Variants in KCNQ5 observed in about 807,000 individuals in gnomAD.
KCNQ5 encodes the protein potassium voltage-gated channel subfamily Q member 5, also known as potassium voltage-gated channel subfamily KQT member 5.
KCNQ5 carries 30 observed loss-of-function variants against 98.2 expected under a neutral mutation model. The ratio of observed to expected loss-of-function variants is 0.31; its 90% CI spans 0.23 to 0.41. KCNQ5 has a LOEUF of 0.41. KCNQ5 is among the 10% of genes least tolerant of loss of function. The pLI is 1.00. For missense variants in KCNQ5, 835 were observed against 1,182.5 expected (o/e 0.71, Z 4.31); for synonymous variants, 458 against 449.4 (o/e 1.02, Z -0.24).
intron 1 of KCNQ5, among the ~76,000 whole-genome samples, chr6:72,836,256 C>CAA: frequency 6.6e-6 from 1 of 151,958 alleles, no homozygotes; most frequent in South Asian, 2.1e-4. Context: ...ATTACTTATT[C>CAA]AAAAAAGCCT....
Position 72,792,908 on chromosome 6 carries a change from T to C in KCNQ5, c.398+170321T>C, listed in dbSNP as rs147020937. Among the ~76,000 whole-genome samples, 147 of 152,326 alleles carry C rather than the reference T, an allele frequency of 9.7e-4. No homozygotes were observed. The Middle Eastern group carries it at 0.01, about 11-fold the overall frequency. On this transcript the variant is annotated intron_variant, in intron 1 of 13. Transcript: ENST00000370398. The stretch of plus-strand genomic sequence containing the variant: ...AATACTTTATCATGGGTTGCAAATA[T>C]TTTAAAGATGTGGTTTGAAATTAAA...
At chr6:73,167,486 T>G (rs372364629) in intron 10 of KCNQ5, among the ~76,000 whole-genome samples, 67 of 152,366 alleles carry the variant, frequency 4.4e-4, no homozygotes, top group African/African-American at 1.6e-3. Flanking sequence ...GCCACCTTCA[T>G]GGCCTCAGAT....
chr6:72,716,869 A>G (rs1033836448), intron 1 of KCNQ5, among the ~76,000 whole-genome samples: 1 of 152,200 alleles, frequency 6.6e-6, no homozygotes, highest in Non-Finnish European at 1.5e-5. Context: ...CACTTTCCTC[A>G]ATGCCATCTC....
chr6:72,860,146 A>G (rs1227708694), intron 1 of KCNQ5, among the ~76,000 whole-genome samples: 1 of 152,174 alleles, frequency 6.6e-6, no homozygotes, highest in African/African-American at 2.4e-5. Flanking sequence ...GGTATGAATA[A>G]AAATACAAAT....
chr6:72,954,154 T>C (rs899197330), intron 1 of KCNQ5, among the ~76,000 whole-genome samples: 10 of 152,344 alleles, frequency 6.6e-5, no homozygotes, highest in African/African-American at 2.4e-4. Context: ...CTTTCTTATC[T>C]GTGACACAGA....
intron 1 of KCNQ5, among the ~76,000 whole-genome samples, chr6:72,980,358 A>G (rs555196682): frequency 1.1e-4 from 16 of 152,274 alleles, no homozygotes; most frequent in Non-Finnish European, 2.4e-4. Context: ...TTCATTGAGC[A>G]GTGGTTTGTA....
chr6:72,773,678 A>G (rs1013404593), intron 1 of KCNQ5, among the ~76,000 whole-genome samples: 5 of 152,164 alleles, frequency 3.3e-5, no homozygotes, highest in Non-Finnish European at 7.4e-5. Flanking sequence ...TTAAATTTAT[A>G]TTTAGTTTGA....
At chr6:73,068,802 A>G (rs1012607738) in intron 3 of KCNQ5, among the ~76,000 whole-genome samples, 3 of 150,822 alleles carry the variant, frequency 2.0e-5, no homozygotes, top group Non-Finnish European at 3.0e-5. Flanking sequence ...CTGGGAGGAG[A>G]AAAAAACAAT....
rs534379974 is a variant in KCNQ5, at chr6:72,734,690, G to C, written c.398+112103G>C. 4.8e-4 allele frequency among the ~76,000 whole-genome samples: 73 copies of C among 152,204 alleles called. 1 individual carries two copies. The highest frequency in any genetic ancestry group is 1.7e-3 in the African/African-American group (70 of 41,528). ...CATAGGCATATAAACTTTTATTGCAGTAGAGCCCAGAAAAACTGGTGGATG... is the reference window on the plus strand; with the variant it reads ...CATAGGCATATAAACTTTTATTGCACTAGAGCCCAGAAAAACTGGTGGATG... On this transcript the variant is annotated intron_variant, in intron 1 of 13. Coordinates refer to ENST00000370398, the MANE Select transcript of KCNQ5 (RefSeq NM_019842.4).
chr6:73,127,176 G>A (rs757277207), intron 9 of KCNQ5, among the ~76,000 whole-genome samples: 17 of 152,132 alleles, frequency 1.1e-4, no homozygotes, highest in Admixed American at 2.6e-4. Context: ...AAAGTAAAAT[G>A]CATTTATAAT....
intron 1 of KCNQ5, among the ~76,000 whole-genome samples, chr6:72,980,776 T>A (rs1328135093): frequency 6.6e-6 from 1 of 152,162 alleles, no homozygotes; most frequent in Admixed American, 6.5e-5. Context: ...ATGCTTCCAG[T>A]TTTTGCCCAT....
At chr6:72,992,758 T>C (rs1213475643) in intron 1 of KCNQ5, among the ~76,000 whole-genome samples, 3 of 110,036 alleles carry the variant, frequency 2.7e-5, no homozygotes, top group Non-Finnish European at 1.7e-5. Flanking sequence ...CTAGTCTCGA[T>C]GGTCTTTACA....
At chr6:72,922,648 G>A (rs1780451708) in intron 1 of KCNQ5, among the ~76,000 whole-genome samples, 1 of 151,994 alleles carries the variant, frequency 6.6e-6, no homozygotes, top group African/African-American at 2.4e-5. Flanking sequence ...GTAAAAGTGA[G>A]ATCATGCGGT....
At chr6:72,951,984 C>T (rs1042916416) in intron 1 of KCNQ5, among the ~76,000 whole-genome samples, 2 of 152,172 alleles carry the variant, frequency 1.3e-5, no homozygotes, top group Non-Finnish European at 2.9e-5. Context: ...GCTTCTACAA[C>T]TCTAGCTAGA....
chr6:72,683,131 G>A (rs1767785336), intron 1 of KCNQ5, among the ~76,000 whole-genome samples: 1 of 152,146 alleles, frequency 6.6e-6, no homozygotes, highest in Admixed American at 6.5e-5. Flanking sequence ...GAAATTATGG[G>A]TAATTAACTC....
chr6:73,024,185 A>C (rs1162005321), intron 2 of KCNQ5, among the ~76,000 whole-genome samples: 2 of 152,166 alleles, frequency 1.3e-5, no homozygotes, highest in Non-Finnish European at 2.9e-5. Flanking sequence ...CCTCTGGCAT[A>C]AATAATCCTG....
chr6:73,078,203 T>G (rs1230703134), intron 5 of KCNQ5, among the ~76,000 whole-genome samples: 2 of 151,808 alleles, frequency 1.3e-5, no homozygotes, highest in Non-Finnish European at 2.9e-5. Context: ...TTGTTTTAAC[T>G]TTGTGGAGCA....
At position 73,118,412 on chromosome 6, in the gene KCNQ5, T is replaced by C. The variant is rs939383590; in HGVS notation, c.1126-2071T>C. Among the ~76,000 whole-genome samples, 6 of 152,076 alleles carry C rather than the reference T, an allele frequency of 3.9e-5. No homozygotes were observed. In the East Asian group the frequency reaches 1.2e-3, roughly 29 times the overall value. On this transcript the variant is annotated intron_variant, in intron 7 of 13. Transcript: ENST00000370398. Reference sequence around the variant, plus strand: ...CAAATTTTCTGTTTATTCTACTGTTTCTGGGTATTTTGGAATTTCCAGCTT... The same window carrying C: ...CAAATTTTCTGTTTATTCTACTGTTCCTGGGTATTTTGGAATTTCCAGCTT...
At chr6:72,812,374 G>A (rs530261764) in intron 1 of KCNQ5, among the ~76,000 whole-genome samples, 7 of 152,260 alleles carry the variant, frequency 4.6e-5, no homozygotes, top group South Asian at 2.1e-4. Flanking sequence ...ACTACAATGC[G>A]TGGGCCAGCA....
Sources: allele counts gnomAD v4.1 joint callset (sites outside exome capture counted in the v4.1 genomes callset), GRCh38; gene constraint gnomAD v4.1.1; transcripts MANE v1.5; gene names NCBI Gene and HGNC (gene_info 2026-07-23, HGNC 2026-07-21).